Variants in DIP2C observed in about 807,000 individuals in gnomAD.
DIP2C encodes disco-interacting protein 2 homolog C.
DIP2C carries 33 observed loss-of-function variants against 192.4 expected under a neutral mutation model. That is an observed-to-expected ratio of 0.17 (90% CI 0.13 to 0.23). The LOEUF (loss-of-function observed/expected upper bound fraction) is 0.23, where lower values mean the gene tolerates loss of function less well. DIP2C is among the 10% of genes least tolerant of loss of function. The pLI is 1.00. For synonymous variants in DIP2C, 979 were observed against 864.1 expected, an observed-to-expected ratio of 1.13 and a Z score of -2.33; for missense variants, 1,537 against 2,110.1, an observed-to-expected ratio of 0.73 and a Z score of 5.32.
intron 1 of DIP2C, among the ~76,000 whole-genome samples, chr10:542,013 G>A (rs1013894625): frequency 6.6e-6 from 1 of 152,200 alleles, no homozygotes; most frequent in Non-Finnish European, 1.5e-5. Flanking sequence ...TGCACACGTT[G>A]GTCTCCTGCA....
At chr10:461,572 C>T (rs2133381501) in intron 3 of DIP2C, among the ~76,000 whole-genome samples, 1 of 152,288 alleles carries the variant, frequency 6.6e-6, no homozygotes, top group East Asian at 1.9e-4. Context: ...CTTAGACTCC[C>T]ACACAGTAAC....
At chr10:678,678 C>CACCCATGCTCCCCAT (rs1554772867) in intron 1 of DIP2C, among the ~76,000 whole-genome samples, 11 of 13,880 alleles carry the variant, frequency 7.9e-4, no homozygotes, top group African/African-American at 1.2e-3. Context: ...CAGCTCCCCA[C>CACCCATGCTCCCCAT]GCCCATGCTC....
chr10:413,118 G>A (rs557637846), intron 8 of DIP2C, among the ~76,000 whole-genome samples: 24 of 152,308 alleles, frequency 1.6e-4, no homozygotes, highest in African/African-American at 5.5e-4. Context: ...CTACAGGCAT[G>A]AGCCATCATG....
intron 1 of DIP2C, among the ~76,000 whole-genome samples, chr10:575,970 G>C (rs1353545895): frequency 6.6e-6 from 1 of 152,186 alleles, no homozygotes; most frequent in African/African-American, 2.4e-5. Context: ...CCACCTCCTT[G>C]CAGATGCTAC....
At chr10:451,162 C>T (rs1968814580) in intron 3 of DIP2C, among the ~76,000 whole-genome samples, 1 of 152,164 alleles carries the variant, frequency 6.6e-6, no homozygotes, top group African/African-American at 2.4e-5. Context: ...CCGGAACAGG[C>T]GTACGTACAC....
At chr10:346,712 G>A (rs1958490918) in intron 26 of DIP2C, among the ~76,000 whole-genome samples, 1 of 141,870 alleles carries the variant, frequency 7.0e-6, no homozygotes, top group East Asian at 2.1e-4. Flanking sequence ...ACCGCGCATA[G>A]TTCTCCCGGA....
intron 18 of DIP2C, among the ~76,000 whole-genome samples, chr10:367,146 G>A (rs774397006): frequency 6.6e-5 from 10 of 152,158 alleles, no homozygotes; most frequent in East Asian, 1.9e-4. Flanking sequence ...GGCCGGACGC[G>A]GTGGCTCACG....
At chr10:592,799 A>C (rs1454865275) in intron 1 of DIP2C, among the ~76,000 whole-genome samples, 1 of 152,006 alleles carries the variant, frequency 6.6e-6, no homozygotes, top group African/African-American at 2.4e-5. Context: ...AGCTCCAGTT[A>C]AGTTAGTAGA....
At chr10:405,052 G>C (rs1564668537) in intron 9 of DIP2C, among the ~76,000 whole-genome samples, 1 of 152,230 alleles carries the variant, frequency 6.6e-6, no homozygotes, top group Non-Finnish European at 1.5e-5. Context: ...AGATGTTGAA[G>C]TTCCATCCAA....
At chr10:663,691 G>T (rs1302025729) in intron 1 of DIP2C, 1 of 152,246 alleles carries the variant, frequency 6.6e-6, no homozygotes, top group Non-Finnish European at 1.5e-5. Context: ...CTACTCGAAG[G>T]TCCACATCCA....
At chr10:365,729 G>A (rs566045147) in intron 19 of DIP2C, among the ~76,000 whole-genome samples, 1 of 152,356 alleles carries the variant, frequency 6.6e-6, no homozygotes, top group South Asian at 2.1e-4. Context: ...CACGCCCCAT[G>A]CACGCACATT....
At chr10:619,329 A>G (rs1385298435) in intron 1 of DIP2C, among the ~76,000 whole-genome samples, 1 of 152,234 alleles carries the variant, frequency 6.6e-6, no homozygotes, top group Non-Finnish European at 1.5e-5. Context: ...AACAGGTCCC[A>G]CCAGCTAACG....
chr10:340,455 A>G (rs1958089483), intron 29 of DIP2C, among the ~76,000 whole-genome samples: 1 of 152,176 alleles, frequency 6.6e-6, no homozygotes, highest in Non-Finnish European at 1.5e-5. Flanking sequence ...GACATGCTCT[A>G]TGCTTACTTG....
chr10:334,406 GTCTT>G lies in DIP2C; in HGVS notation c.3585-4809_3585-4806del, dbSNP rs1483739856. ...AATATTTTTTCCCAGACTGTGGCTT[GTCTT>G]TCTACTTAATTCTGTCTTTTGATAT... On this transcript the variant is annotated intron_variant, in intron 29 of 36. Coordinates refer to ENST00000280886, the MANE Select transcript of DIP2C (RefSeq NM_014974.3). Among the ~76,000 whole-genome samples, 10 of 150,108 alleles carry G rather than the reference GTCTT, an allele frequency of 6.7e-5. No homozygotes were observed. The East Asian group carries it at 1.4e-3, about 20-fold the overall frequency.
At chr10:377,010 T>C (rs1008512380) in intron 17 of DIP2C, among the ~76,000 whole-genome samples, 1 of 152,202 alleles carries the variant, frequency 6.6e-6, no homozygotes, top group African/African-American at 2.4e-5. Context: ...TATGAGTTGA[T>C]TTAATGTAAT....
At chr10:281,851 A>C (rs1036650854) in intron 35 of DIP2C, among the ~76,000 whole-genome samples, 5 of 152,252 alleles carry the variant, frequency 3.3e-5, no homozygotes, top group African/African-American at 1.2e-4. Flanking sequence ...CTTAGCTCAT[A>C]GAGCCAGGAA....
chr10:410,537 C>T (rs887914163), intron 8 of DIP2C, among the ~76,000 whole-genome samples: 1 of 152,044 alleles, frequency 6.6e-6, no homozygotes, highest in Non-Finnish European at 1.5e-5. Flanking sequence ...TATTTTTTCC[C>T]CAACAAAAAC....
At chr10:394,257 T>C (rs80049977) in intron 10 of DIP2C, among the ~76,000 whole-genome samples, 2,953 of 152,236 alleles carry the variant, frequency 0.019, 104 homozygotes, top group African/African-American at 0.068. Context: ...GGGCCTGTGC[T>C]GAACCGGAAG....
chr10:349,754 T>TA (rs1323511546), intron 24 of DIP2C, among the ~76,000 whole-genome samples: 1 of 152,188 alleles, frequency 6.6e-6, no homozygotes, highest in South Asian at 2.1e-4. Flanking sequence ...TTACGTGAAT[T>TA]AAAAAACGGT....
Sources: allele counts gnomAD v4.1 joint callset (sites outside exome capture counted in the v4.1 genomes callset), GRCh38; gene constraint gnomAD v4.1.1; transcripts MANE v1.5; gene names NCBI Gene and HGNC (gene_info 2026-07-23, HGNC 2026-07-21).